Variants in PCDH19 observed in about 807,000 individuals in gnomAD.
PCDH19 encodes the protein protocadherin-19.
Under a neutral mutation model 46.2 loss-of-function variants are expected in PCDH19, and 6 were observed. That is an observed-to-expected ratio of 0.13 (90% CI 0.07 to 0.26). PCDH19 has a LOEUF of 0.26. Ranked by LOEUF, PCDH19 falls within the 10% of genes least tolerant of loss-of-function variation. PCDH19 has a pLI of 1.00. For missense variants in PCDH19, 740 were observed against 972.3 expected (o/e 0.76, Z 3.18); for synonymous variants, 481 against 415.7 (o/e 1.16, Z -1.91).
At chrX:100,304,703 G>T (rs1354858876) in intron 5 of PCDH19, among the ~76,000 whole-genome samples, 1 of 111,559 alleles carries the variant, frequency 9.0e-6, no homozygotes, top group Non-Finnish European at 1.9e-5. Context: ...AAAGTCTTCA[G>T]GGAAATAGAT....
chrX:100,362,789 T>C (rs1434575310), intron 3 of PCDH19, among the ~76,000 whole-genome samples: 1 of 93,055 alleles, frequency 1.1e-5, no homozygotes, highest in Admixed American at 1.2e-4. Context: ...AGAGCGAGAC[T>C]CCGATTCAAA....
At chrX:100,387,117 G>T (rs754590340) in intron 3 of PCDH19, among the ~76,000 whole-genome samples, 7 of 111,371 alleles carry the variant, frequency 6.3e-5, no homozygotes, top group Non-Finnish European at 1.3e-4. Context: ...ATCTACACAG[G>T]ACCACTGAAT....
intron 3 of PCDH19, among the ~76,000 whole-genome samples, chrX:100,383,717 G>A (rs1602621393): frequency 8.9e-6 from 1 of 111,835 alleles, no homozygotes; most frequent in Non-Finnish European, 1.9e-5. Flanking sequence ...TCATTTTTGA[G>A]ACTTAACATG....
intron 3 of PCDH19, among the ~76,000 whole-genome samples, chrX:100,377,132 T>C (rs1023843033): frequency 1.8e-5 from 2 of 112,379 alleles, no homozygotes; most frequent in African/African-American, 6.5e-5. Flanking sequence ...CTTAGAATTA[T>C]ATGATTTCTA....
chrX:100,309,154 G>GCACACACACACACACACA (rs55663829), intron 5 of PCDH19, among the ~76,000 whole-genome samples: 9,198 of 81,523 alleles, frequency 0.11, 428 homozygotes, highest in Middle Eastern at 0.22. Flanking sequence ...TGTGATGCAT[G>GCACACACACACACACACA]CACACACACA....
Position 100,293,010 on chromosome X carries a change from GC to G in PCDH19, c.*3266del, listed in dbSNP as rs893001017. On this transcript the variant is annotated 3_prime_UTR_variant, in exon 6 of 6. Transcript: ENST00000373034. ...CCTTCACCCTGCCTCTCCCTAAACT[GC>G]CCTTTGTCCTTGCTGCTTCAAGTGG... The G allele has an allele frequency of 9.0e-6, 1 of 111,194 alleles. No individual in the cohort carries two copies. The highest frequency in any genetic ancestry group is 3.3e-5 in the African/African-American group (1 of 30,541). The allele number at this position is 111,194 out of a possible 1,213,427, so 9.2% of individuals were successfully genotyped here.
Position 100,408,404 on chromosome X carries a change from G to A in PCDH19, c.194C>T (p.Ser65Phe), listed in dbSNP as rs769833284. The change falls in exon 1 of 6, where the codon TCC becomes TTC. Residue 65 changes from serine (S) to phenylalanine (F), a missense_variant. This residue lies in a region of PCDH19 where 81 missense variants were observed against 96.5 expected (regional missense o/e 0.84). Coordinates refer to ENST00000373034, the MANE Select transcript of PCDH19 (RefSeq NM_001184880.2). ...PRQASAFRVV[S>F]NSAPHLVDIN... ...GTCCACTAGGTGTGGAGCCGAGTTG[G>A]ACACCACGCGAAAGGCTGAAGCCTG... 6 of 1,207,823 alleles carry A rather than the reference G, an allele frequency of 5.0e-6. No homozygotes were observed. Among genetic ancestry groups the A allele is most frequent in the South Asian group, 3.5e-5 (2 of 56,822 alleles).
In PCDH19 at chrX:100,406,663, G is replaced by C. The variant is rs752598951; in HGVS notation, c.1935C>G (p.His645Gln). Residue 645 changes from histidine (H) to glutamine (Q), a missense_variant, in exon 1 of 6, where the codon CAC becomes CAG. Coordinates refer to ENST00000373034, the MANE Select transcript of PCDH19 (RefSeq NM_001184880.2). ...KSSYELIVVA[H>Q]DHGKTSLSAS... ...CAGAGAGAGATGTCTTGCCGTGGTCGTGAGCCACCACGATAAGCTCATAGG... is the reference window on the plus strand; with the variant it reads ...CAGAGAGAGATGTCTTGCCGTGGTCCTGAGCCACCACGATAAGCTCATAGG... The C allele has an allele frequency of 4.1e-6, 5 of 1,209,727 alleles. No homozygotes were observed. Among genetic ancestry groups the C allele is most frequent in the Non-Finnish European group, 5.6e-6 (5 of 895,053 alleles).
intron 4 of PCDH19, among the ~76,000 whole-genome samples, chrX:100,347,810 C>G (rs1926450170): frequency 1.8e-5 from 2 of 110,329 alleles, no homozygotes; most frequent in African/African-American, 6.6e-5. Flanking sequence ...CACCTGTAAT[C>G]TCAGCACTTT....
intron 5 of PCDH19, among the ~76,000 whole-genome samples, chrX:100,321,763 A>T (rs1925490869): frequency 1.1e-5 from 1 of 94,504 alleles, no homozygotes; most frequent in African/African-American, 3.9e-5. Flanking sequence ...TCTTTAGTTT[A>T]ATTAAGTCCC....
intron 3 of PCDH19, among the ~76,000 whole-genome samples, chrX:100,399,457 T>C (rs906232816): frequency 8.9e-6 from 1 of 112,032 alleles, no homozygotes; most frequent in African/African-American, 3.2e-5. Context: ...TTCATCTCTC[T>C]AACGCCAGAG....
At chrX:100,333,168 A>G (rs1569294656) in intron 5 of PCDH19, among the ~76,000 whole-genome samples, 48 of 33,783 alleles carry the variant, frequency 1.4e-3, no homozygotes, top group Non-Finnish European at 2.2e-3. Context: ...GAAGGAAGGA[A>G]GGAAGGGAGA....
intron 1 of PCDH19, among the ~76,000 whole-genome samples, chrX:100,404,424 T>A (rs1928284013): frequency 8.9e-6 from 1 of 112,051 alleles, no homozygotes; most frequent in Admixed American, 9.5e-5. Flanking sequence ...ATCATTTTGT[T>A]TACCCAAGAT....
intron 3 of PCDH19, among the ~76,000 whole-genome samples, chrX:100,385,422 G>C (rs1392672103): frequency 9.0e-6 from 1 of 111,073 alleles, no homozygotes; most frequent in Non-Finnish European, 1.9e-5. Context: ...AACAATCAGA[G>C]ATCACAACAA....
chrX:100,377,360 C>T (rs183067833), intron 3 of PCDH19, among the ~76,000 whole-genome samples: 67 of 111,703 alleles, frequency 6.0e-4, no homozygotes, highest in African/African-American at 1.9e-3. Flanking sequence ...GCTTTAAATA[C>T]GCCAGATACT....
intron 5 of PCDH19, among the ~76,000 whole-genome samples, chrX:100,308,128 C>G (rs1431633145): frequency 9.0e-6 from 1 of 111,388 alleles, no homozygotes; most frequent in Admixed American, 9.5e-5. Flanking sequence ...CTTCAGATTA[C>G]CCGACTAGAA....
At chrX:100,344,885 C>T (rs1480208941) in intron 4 of PCDH19, among the ~76,000 whole-genome samples, 1 of 106,848 alleles carries the variant, frequency 9.4e-6, no homozygotes, top group Admixed American at 1.0e-4. Context: ...GGAAAAAAAC[C>T]AAAAGTGTCT....
intron 4 of PCDH19, among the ~76,000 whole-genome samples, chrX:100,342,352 T>G (rs981852708): frequency 1.8e-5 from 2 of 112,428 alleles, no homozygotes; most frequent in Non-Finnish European, 3.8e-5. Context: ...ATTCTAAAAC[T>G]GCCTCTAAAG....
intron 5 of PCDH19, among the ~76,000 whole-genome samples, chrX:100,327,145 G>A (rs575314349): frequency 8.9e-6 from 1 of 111,792 alleles, no homozygotes; most frequent in Admixed American, 9.5e-5. Flanking sequence ...TTGAGTGGTA[G>A]GGTACCTGAA....
Sources: allele counts gnomAD v4.1 joint callset (sites outside exome capture counted in the v4.1 genomes callset), GRCh38; gene constraint gnomAD v4.1.1; regional missense constraint gnomAD v4.1.1; transcripts MANE v1.5; gene names NCBI Gene and HGNC (gene_info 2026-07-23, HGNC 2026-07-21).